The following SGCD variants were observed in gnomAD, a reference collection of about 807,000 sequenced individuals.
SGCD encodes delta-sarcoglycan.
In SGCD, 18 loss-of-function variants were observed where a neutral mutation model predicts 36.6. The observed-to-expected ratio is 0.49, with a 90% CI of 0.34 to 0.73. The LOEUF is 0.73. Ranked by LOEUF, SGCD falls within the 30% of genes least tolerant of loss-of-function variation. The pLI is 0.01. For missense variants in SGCD, 387 were observed against 346.7 expected, an observed-to-expected ratio of 1.12 and a Z score of -0.92; for synonymous variants, 133 against 130.6, an observed-to-expected ratio of 1.02 and a Z score of -0.12.
At chr5:156,580,633 C>T (rs1253383034) in intron 4 of SGCD, among the ~76,000 whole-genome samples, 1 of 152,086 alleles carries the variant, frequency 6.6e-6, no homozygotes, top group Non-Finnish European at 1.5e-5. Context: ...TCTCTTCTTG[C>T]TTATTTCATT....
the SGCD span, among the ~76,000 whole-genome samples, chr5:155,794,960 G>A: frequency 2.8e-3 from 423 of 152,152 alleles, 1 homozygote; most frequent in African/African-American, 9.8e-3. Flanking sequence ...AGAAAAATAT[G>A]ACTTATTTTC....
At chr5:156,101,751 T>C (rs1027210236) in intron 1 of SGCD, among the ~76,000 whole-genome samples, 6 of 152,184 alleles carry the variant, frequency 3.9e-5, no homozygotes, top group African/African-American at 1.4e-4. Context: ...GGAAGTTCTA[T>C]ATTTTCAGAG....
At chr5:155,784,060 T>C in the SGCD span, among the ~76,000 whole-genome samples, 1 of 152,230 alleles carries the variant, frequency 6.6e-6, no homozygotes, top group South Asian at 2.1e-4. Flanking sequence ...TGGTCCCTGC[T>C]CAGAAAGGGC....
chr5:156,047,591 GT>G (rs1759801300), intron 1 of SGCD, among the ~76,000 whole-genome samples: 1 of 152,100 alleles, frequency 6.6e-6, no homozygotes, highest in African/African-American at 2.4e-5. Flanking sequence ...CAGAAAATCT[GT>G]TTATAGCATG....
chr5:155,826,456 A>G, the SGCD span, among the ~76,000 whole-genome samples: 2 of 152,160 alleles, frequency 1.3e-5, no homozygotes, highest in Admixed American at 6.5e-5. Context: ...CCTTCTGTCT[A>G]TGACTGCATC....
intron 1 of SGCD, among the ~76,000 whole-genome samples, chr5:155,886,207 G>A (rs1430227836): frequency 6.6e-6 from 1 of 152,160 alleles, no homozygotes; most frequent in Non-Finnish European, 1.5e-5. Flanking sequence ...AAAAATACAG[G>A]GGTATAGGAT....
intron 3 of SGCD, among the ~76,000 whole-genome samples, chr5:156,361,505 G>C (rs1769793096): frequency 6.6e-6 from 1 of 152,194 alleles, no homozygotes; most frequent in South Asian, 2.1e-4. Flanking sequence ...GAGATAACCA[G>C]AAAGTAGAGT....
intron 1 of SGCD, among the ~76,000 whole-genome samples, chr5:155,967,451 T>C (rs1757923268): frequency 6.6e-6 from 1 of 152,030 alleles, no homozygotes; most frequent in Non-Finnish European, 1.5e-5. Flanking sequence ...TGGAACAAAA[T>C]AACTGCAATT....
chr5:156,364,282 C>T (rs371380097), intron 3 of SGCD, among the ~76,000 whole-genome samples: 90 of 152,124 alleles, frequency 5.9e-4, no homozygotes, highest in African/African-American at 2.0e-3. Flanking sequence ...CTGTATTCCT[C>T]CAAGGTTCAC....
chr5:156,090,145 G>A (rs926504797), intron 1 of SGCD, among the ~76,000 whole-genome samples: 10 of 152,112 alleles, frequency 6.6e-5, no homozygotes, highest in African/African-American at 2.4e-4. Context: ...ATGGAGGCCT[G>A]GGTAGGCACA....
At chr5:156,047,394 G>C (rs913372966) in intron 1 of SGCD, among the ~76,000 whole-genome samples, 1 of 152,100 alleles carries the variant, frequency 6.6e-6, no homozygotes, top group Non-Finnish European at 1.5e-5. Flanking sequence ...TAGCTAAAGG[G>C]GAGAAGTCAA....
chr5:155,920,926 C>T (rs936275336), intron 1 of SGCD, among the ~76,000 whole-genome samples: 15 of 152,258 alleles, frequency 9.9e-5, no homozygotes, highest in African/African-American at 3.1e-4. Flanking sequence ...AGGCATTTTA[C>T]ACTTGGGTCT....
chr5:156,519,809 C>G (rs776094359), intron 4 of SGCD, among the ~76,000 whole-genome samples: 3 of 152,102 alleles, frequency 2.0e-5, no homozygotes, highest in Non-Finnish European at 4.4e-5. Flanking sequence ...CAATAAAATT[C>G]AACATTCCTT....
intron 3 of SGCD, among the ~76,000 whole-genome samples, chr5:156,251,673 C>A (rs922847921): frequency 6.6e-6 from 1 of 151,962 alleles, no homozygotes; most frequent in Non-Finnish European, 1.5e-5. Flanking sequence ...CGCCACCACA[C>A]CCAGCTAATT....
At chr5:156,039,721 T>C (rs1759589438) in intron 1 of SGCD, among the ~76,000 whole-genome samples, 1 of 152,218 alleles carries the variant, frequency 6.6e-6, no homozygotes, top group Admixed American at 6.5e-5. Flanking sequence ...GGGTATCCAA[T>C]GAAGCTCCTT....
At chr5:155,829,717 T>C in the SGCD span, among the ~76,000 whole-genome samples, 4 of 152,230 alleles carry the variant, frequency 2.6e-5, no homozygotes, top group African/African-American at 9.6e-5. Flanking sequence ...TACGTTTCCA[T>C]TGATCATTGT....
chr5:156,079,968 G>C (rs376673532), intron 1 of SGCD, among the ~76,000 whole-genome samples: 10 of 152,338 alleles, frequency 6.6e-5, no homozygotes, highest in African/African-American at 2.4e-4. Flanking sequence ...GAGGATTTCT[G>C]TGAGCACTCT....
At chr5:156,213,559 A>T (rs1764502188) in intron 3 of SGCD, among the ~76,000 whole-genome samples, 1 of 152,028 alleles carries the variant, frequency 6.6e-6, no homozygotes, top group Non-Finnish European at 1.5e-5. Flanking sequence ...ACTAATATCT[A>T]TTCTCCTCTA....
At chr5:156,656,708 A>C (rs1356235112) in intron 7 of SGCD, among the ~76,000 whole-genome samples, 1 of 152,190 alleles carries the variant, frequency 6.6e-6, no homozygotes, top group Non-Finnish European at 1.5e-5. Flanking sequence ...TGCACTACTT[A>C]ATTTAGAACT....
Sources: gnomAD v4.1 joint callset for allele counts (sites outside exome capture counted in the v4.1 genomes callset) on GRCh38, gnomAD v4.1.1 for gene constraint, MANE v1.5 for transcripts, NCBI Gene and HGNC (gene_info 2026-07-23, HGNC 2026-07-21) for gene names.